PRKCE: variants seen among roughly 807,000 people sequenced by gnomAD.
The protein encoded by PRKCE is protein kinase C epsilon type.
PRKCE carries 16 observed loss-of-function variants against 85.4 expected under a neutral mutation model. That is an observed-to-expected ratio of 0.19 (90% CI 0.13 to 0.28). The LOEUF is 0.28. Among genes scored for constraint, PRKCE ranks in the 10% least tolerant of loss-of-function variants. The pLI, the probability that PRKCE is intolerant of heterozygous loss-of-function variation, is 1.00. For missense variants in PRKCE, 573 were observed against 975.2 expected (o/e 0.59, Z 5.49); for synonymous variants, 388 against 371.5 (o/e 1.04, Z -0.51).
At chr2:45,995,713 T>C (rs1184357412) in intron 6 of PRKCE, among the ~76,000 whole-genome samples, 2 of 152,198 alleles carry the variant, frequency 1.3e-5, no homozygotes, top group African/African-American at 4.8e-5. Context: ...GTCTGTTCCA[T>C]TGATGTTTTG....
intron 11 of PRKCE, among the ~76,000 whole-genome samples, chr2:46,092,683 A>G (rs1670287172): frequency 6.6e-6 from 1 of 152,184 alleles, no homozygotes; most frequent in African/African-American, 2.4e-5. Context: ...GGGCTTTCCT[A>G]GAAGAAGCTG....
intron 11 of PRKCE, among the ~76,000 whole-genome samples, chr2:46,106,416 G>A (rs1431707757): frequency 6.6e-6 from 1 of 152,174 alleles, no homozygotes; most frequent in African/African-American, 2.4e-5. Context: ...ACACTGCTGT[G>A]GGAAAAACTT....
intron 1 of PRKCE, among the ~76,000 whole-genome samples, chr2:45,781,222 A>G (rs920784391): frequency 1.3e-5 from 2 of 152,008 alleles, no homozygotes; most frequent in Non-Finnish European, 2.9e-5. Flanking sequence ...CTGTGATCCC[A>G]GCTGCTTGGG....
At chr2:46,022,900 G>A (rs577409215) in intron 10 of PRKCE, among the ~76,000 whole-genome samples, 104 of 151,902 alleles carry the variant, frequency 6.8e-4, no homozygotes, top group African/African-American at 2.2e-3. Context: ...TGGCTAACAA[G>A]GTGAAATCCC....
intron 2 of PRKCE, 67 bp from the exon 3 acceptor site, chr2:45,976,362 A>G (rs1702453906): frequency 3.3e-6 from 5 of 1,532,820 alleles, no homozygotes; most frequent in Non-Finnish European, 4.4e-6. Context: ...AGCTCTCCAG[A>G]GGGAGCTCAT....
intron 2 of PRKCE, among the ~76,000 whole-genome samples, chr2:45,862,098 G>T (rs1344845178): frequency 6.6e-6 from 1 of 151,834 alleles, no homozygotes; most frequent in African/African-American, 2.4e-5. Flanking sequence ...TTTGCTGTGA[G>T]TTTATATGTA....
intron 1 of PRKCE, among the ~76,000 whole-genome samples, chr2:45,789,805 T>C (rs188697466): frequency 1.2e-4 from 19 of 152,356 alleles, no homozygotes; most frequent in Admixed American, 5.2e-4. Flanking sequence ...TTAATATTTA[T>C]ATTTTAAATC....
At chr2:45,666,112 T>C (rs1380536524) in intron 1 of PRKCE, among the ~76,000 whole-genome samples, 2 of 152,170 alleles carry the variant, frequency 1.3e-5, no homozygotes, top group East Asian at 1.9e-4. Context: ...GCTCTGTTCA[T>C]AGAAGGTGCA....
At position 46,010,286 on chromosome 2, in the gene PRKCE, ACTT is replaced by A. The variant is rs1331154190; in HGVS notation, c.1264-51_1264-49del. Reference sequence around the variant, plus strand: ...TTTGAAGTATTTGGTATTAGCTTACACTTCTTCTTTTTATTCCATACATGCATA... The same window carrying A: ...TTTGAAGTATTTGGTATTAGCTTACACTTCTTTTTATTCCATACATGCATA... On this transcript the variant is annotated intron_variant, in intron 9 of 14. Transcript: ENST00000306156. 282 of 1,492,002 alleles carry A rather than the reference ACTT, an allele frequency of 1.9e-4. No homozygotes were observed. The Middle Eastern group carries it at 2.5e-3, about 13-fold the overall frequency. The allele number at this position is 1,492,002 out of a possible 1,614,324, so 92.4% of individuals were successfully genotyped here.
intron 2 of PRKCE, among the ~76,000 whole-genome samples, chr2:45,904,288 G>A (rs13007015): frequency 0.19 from 29,028 of 151,972 alleles, 3,429 homozygotes; most frequent in South Asian, 0.31. Flanking sequence ...AGCCGGTTGC[G>A]TGCGAACCGA....
At chr2:45,803,735 T>G (rs1303889970) in intron 1 of PRKCE, among the ~76,000 whole-genome samples, 2 of 152,232 alleles carry the variant, frequency 1.3e-5, no homozygotes, top group East Asian at 3.8e-4. Flanking sequence ...TTTAGGTCAA[T>G]GGAATAAATG....
At chr2:45,859,009 C>G (rs1008010162) in intron 2 of PRKCE, among the ~76,000 whole-genome samples, 8 of 151,288 alleles carry the variant, frequency 5.3e-5, no homozygotes, top group African/African-American at 1.9e-4. Context: ...GCGTTGTATT[C>G]CAGCCTGGGC....
At chr2:46,151,563 C>A (rs1267717936) in intron 13 of PRKCE, among the ~76,000 whole-genome samples, 2 of 150,094 alleles carry the variant, frequency 1.3e-5, no homozygotes, top group Non-Finnish European at 3.0e-5. Flanking sequence ...GGAACAGAAG[C>A]AACTCAACTG....
At chr2:45,992,442 C>T (rs139343210) in intron 6 of PRKCE, among the ~76,000 whole-genome samples, 2 of 152,164 alleles carry the variant, frequency 1.3e-5, no homozygotes, top group Admixed American at 6.5e-5. Flanking sequence ...ATCCCTCTTA[C>T]CTCCTTTCTC....
intron 2 of PRKCE, among the ~76,000 whole-genome samples, chr2:45,916,152 AC>A (rs1697755216): frequency 6.6e-6 from 1 of 150,762 alleles, no homozygotes; most frequent in South Asian, 2.1e-4. Flanking sequence ...ATCTCTACTT[AC>A]TTTTCCTTTA....
At chr2:46,179,288 G>A (rs2104708978) in intron 14 of PRKCE, among the ~76,000 whole-genome samples, 1 of 152,282 alleles carries the variant, frequency 6.6e-6, no homozygotes, top group Admixed American at 6.5e-5. Context: ...AGCACAGTGA[G>A]GGCTGTGAGA....
At chr2:45,714,204 G>A (rs1199847028) in intron 1 of PRKCE, among the ~76,000 whole-genome samples, 5 of 152,120 alleles carry the variant, frequency 3.3e-5, no homozygotes, top group African/African-American at 9.7e-5. Flanking sequence ...ATGGAGGAGG[G>A]GCATGAAACA....
chr2:46,090,968 A>T (rs555590926), intron 11 of PRKCE, among the ~76,000 whole-genome samples: 1 of 152,342 alleles, frequency 6.6e-6, no homozygotes, highest in African/African-American at 2.4e-5. Context: ...TGATATACAA[A>T]CTAATTAGCA....
intron 1 of PRKCE, among the ~76,000 whole-genome samples, chr2:45,748,049 T>A (rs1287664609): frequency 6.6e-6 from 1 of 152,224 alleles, no homozygotes; most frequent in Non-Finnish European, 1.5e-5. Context: ...TAGGGGTTCT[T>A]TGTATATTCT....
Sources: allele counts gnomAD v4.1 joint callset (sites outside exome capture counted in the v4.1 genomes callset), GRCh38; gene constraint gnomAD v4.1.1; transcripts MANE v1.5; gene names NCBI Gene and HGNC (gene_info 2026-07-23, HGNC 2026-07-21).